RBFOX1: variants seen among roughly 807,000 people sequenced by gnomAD.
The protein encoded by RBFOX1 is RNA binding fox-1 homolog 1.
In RBFOX1, 8 loss-of-function variants were observed where a neutral mutation model predicts 57.7. That is an observed-to-expected ratio of 0.14 (90% CI 0.08 to 0.25). The LOEUF is 0.25. RBFOX1 is among the 10% of genes least tolerant of loss of function. RBFOX1 has a pLI of 1.00. For missense variants in RBFOX1, 611 were observed against 548.5 expected (o/e 1.11, Z -1.14); for synonymous variants, 326 against 222.4 (o/e 1.47, Z -4.15).
intron 4 of RBFOX1, among the ~76,000 whole-genome samples, chr16:7,483,579 A>G (rs756927099): frequency 3.3e-5 from 5 of 152,138 alleles, no homozygotes; most frequent in Non-Finnish European, 5.9e-5. Context: ...CTGAGGGTGG[A>G]GGTTTGAATT....
chr16:7,387,620 C>T, intron 4 of RBFOX1, among the ~76,000 whole-genome samples: 1 of 152,086 alleles, frequency 6.6e-6, no homozygotes, highest in Non-Finnish European at 1.5e-5. Context: ...TCAAGCATTG[C>T]AAAAGCCGCT....
intron 3 of RBFOX1, among the ~76,000 whole-genome samples, chr16:7,013,543 A>C (rs1012481045): frequency 2.6e-5 from 4 of 152,226 alleles, no homozygotes; most frequent in Admixed American, 6.5e-5. Context: ...GTCTGTATCA[A>C]AATGTTAGCA....
intron 3 of RBFOX1, among the ~76,000 whole-genome samples, chr16:6,881,452 C>G (rs144070862): frequency 1.3e-5 from 2 of 152,242 alleles, no homozygotes; most frequent in East Asian, 3.9e-4. Context: ...AGCAAAGGGT[C>G]TGCTGCAGGC....
intron 2 of RBFOX1, among the ~76,000 whole-genome samples, chr16:5,524,156 A>G (rs879560259): frequency 2.6e-5 from 4 of 152,192 alleles, no homozygotes; most frequent in Non-Finnish European, 5.9e-5. Flanking sequence ...AAGAAAACTA[A>G]ATGTGAGATG....
chr16:5,244,215 C>T lies in RBFOX1; in HGVS notation c.219+4110C>T, dbSNP rs1312281329. 2.0e-5 allele frequency among the ~76,000 whole-genome samples: 3 copies of T among 152,244 alleles called. No homozygotes were observed. The East Asian group carries it at 5.8e-4, about 29-fold the overall frequency. On this transcript the variant is annotated intron_variant, in intron 1 of 2. Transcript: ENST00000585867. Reference sequence around the variant, plus strand: ...CTGGGCTGGGCATAGCATTGTAACACAGACAAAGCACAAAATACTTGGGCA... The same window carrying T: ...CTGGGCTGGGCATAGCATTGTAACATAGACAAAGCACAAAATACTTGGGCA...
At chr16:5,698,644 G>T (rs1336969874) in intron 3 of RBFOX1, among the ~76,000 whole-genome samples, 4 of 152,140 alleles carry the variant, frequency 2.6e-5, no homozygotes, top group Admixed American at 2.0e-4. Flanking sequence ...AAAACTTACA[G>T]ATGAATGTCT....
rs138812602 is a variant in RBFOX1, at chr16:7,068,337, T to A, written c.27+16239T>A. On this transcript the variant is annotated intron_variant, in intron 4 of 15. Transcript: ENST00000550418. ...AAACACTGCAGACATTTGATTTGTG[T>A]TCTGGGATGGTCCACCTCCATTTTC... 1.1e-4 allele frequency among the ~76,000 whole-genome samples: 17 copies of A among 152,256 alleles called. No individual in the cohort carries two copies. In the East Asian group the frequency reaches 3.3e-3, roughly 30 times the overall value.
chr16:7,489,789 G>A (rs1334381263), intron 4 of RBFOX1, among the ~76,000 whole-genome samples: 1 of 151,690 alleles, frequency 6.6e-6, no homozygotes, highest in Non-Finnish European at 1.5e-5. Flanking sequence ...CCAGAGCACT[G>A]GGATTACAGG....
chr16:6,613,513 T>C (rs531056995), intron 2 of RBFOX1, among the ~76,000 whole-genome samples: 1 of 152,226 alleles, frequency 6.6e-6, no homozygotes, highest in East Asian at 1.9e-4. Flanking sequence ...ATCACTTACA[T>C]GCAAGGACAT....
At chr16:7,575,802 G>C (rs1012233651) in intron 5 of RBFOX1, among the ~76,000 whole-genome samples, 7 of 152,278 alleles carry the variant, frequency 4.6e-5, no homozygotes, top group African/African-American at 1.4e-4. Context: ...AAAGAAAAGA[G>C]ATCACACTCA....
At position 6,450,839 on chromosome 16, in the gene RBFOX1, G is replaced by GTATATA. The variant is rs1202016714; in HGVS notation, c.-64+133812_-64+133817dup. On this transcript the variant is annotated intron_variant, in intron 2 of 15. Coordinates refer to ENST00000550418, the MANE Select transcript of RBFOX1 (RefSeq NM_018723.4). Reference sequence around the variant, plus strand: ...TATACATATATATATATATATATGTGTATATATATATATATATATATATAT... The same window carrying GTATATA: ...TATACATATATATATATATATATGTGTATATATATATATATATATATATATATATAT... Among the ~76,000 whole-genome samples the GTATATA allele has an allele frequency of 7.7e-3, 105 of 13,564 alleles. 3 individuals are homozygous for GTATATA. The highest frequency in any genetic ancestry group is 0.021 in the African/African-American group (61 of 2,874). The allele number at this position is 13,564 out of a possible 152,430, so 8.9% of individuals were successfully genotyped here.
At chr16:7,295,195 T>G (rs932914232) in intron 4 of RBFOX1, among the ~76,000 whole-genome samples, 1 of 152,160 alleles carries the variant, frequency 6.6e-6, no homozygotes, top group African/African-American at 2.4e-5. Context: ...TTAAATAAAT[T>G]GTGTACTCAG....
At chr16:5,734,207 C>T (rs2052489800) in intron 3 of RBFOX1, among the ~76,000 whole-genome samples, 2 of 152,100 alleles carry the variant, frequency 1.3e-5, no homozygotes. Flanking sequence ...CTTATGCCTG[C>T]AATCTTAGCG....
intron 1 of RBFOX1, among the ~76,000 whole-genome samples, chr16:6,164,746 G>A (rs969622182): frequency 6.6e-6 from 1 of 151,980 alleles, no homozygotes; most frequent in East Asian, 1.9e-4. Context: ...CCAAAGTGCT[G>A]GTGTGACCCA....
chr16:6,920,378 A>C (rs565689890), intron 3 of RBFOX1, among the ~76,000 whole-genome samples: 1 of 152,154 alleles, frequency 6.6e-6, no homozygotes, highest in Non-Finnish European at 1.5e-5. Context: ...TCTCTTCTGC[A>C]TGAAACCAGA....
At chr16:5,454,854 TTTTCTTTCTTTCTTTC>T (rs200680272) in intron 1 of RBFOX1, among the ~76,000 whole-genome samples, 7,172 of 67,316 alleles carry the variant, frequency 0.11, 483 homozygotes, top group Non-Finnish European at 0.13. Flanking sequence ...TCTTTCTTTC[TTTTCTTTCTTTCTTTC>T]TTTCTTTCTT....
At chr16:7,078,691 AT>A (rs368105173) in intron 4 of RBFOX1, among the ~76,000 whole-genome samples, 3 of 142,726 alleles carry the variant, frequency 2.1e-5, no homozygotes, top group Admixed American at 6.9e-5. Flanking sequence ...ATTTTATTTT[AT>A]TTTTTTTTGA....
intron 2 of RBFOX1, among the ~76,000 whole-genome samples, chr16:6,518,172 C>T (rs1388161084): frequency 6.6e-6 from 1 of 152,124 alleles, no homozygotes; most frequent in Non-Finnish European, 1.5e-5. Flanking sequence ...TAATAGCCTG[C>T]CCTGTGGTTT....
chr16:5,539,480 T>A (rs2044843615), intron 2 of RBFOX1, among the ~76,000 whole-genome samples: 1 of 150,502 alleles, frequency 6.6e-6, no homozygotes, highest in African/African-American at 2.4e-5. Flanking sequence ...AAAAAAACAC[T>A]TGTAATCCCA....
Sources: gnomAD v4.1 joint callset for allele counts (sites outside exome capture counted in the v4.1 genomes callset) on GRCh38, gnomAD v4.1.1 for gene constraint, MANE v1.5 for transcripts, NCBI Gene and HGNC (gene_info 2026-07-23, HGNC 2026-07-21) for gene names.